Variants in CNTNAP5 observed in about 807,000 individuals in gnomAD.
The protein encoded by CNTNAP5 is contactin-associated protein-like 5.
A neutral mutation model predicts 150.2 loss-of-function variants in CNTNAP5; 72 were observed. The observed-to-expected ratio is 0.48, with a 90% confidence interval of 0.40 to 0.58. The LOEUF is 0.58. CNTNAP5 is among the 20% of genes least tolerant of loss of function. The pLI, the probability that CNTNAP5 is intolerant of heterozygous loss-of-function variation, is 0.00. For synonymous variants in CNTNAP5, 672 were observed against 619.8 expected (o/e 1.08, Z -1.25); for missense variants, 1,636 against 1,626.2 (o/e 1.01, Z -0.10).
At chr2:124,282,005 G>T (rs896652598) in intron 3 of CNTNAP5, among the ~76,000 whole-genome samples, 2 of 151,846 alleles carry the variant, frequency 1.3e-5, no homozygotes, top group African/African-American at 2.4e-5. Flanking sequence ...TTTCCTCTTT[G>T]CCTGGGATGA....
intron 18 of CNTNAP5, among the ~76,000 whole-genome samples, chr2:124,797,358 C>G (rs753741816): frequency 6.6e-6 from 1 of 152,108 alleles, no homozygotes; most frequent in Non-Finnish European, 1.5e-5. Context: ...TTTTAGATCC[C>G]GTATTTCTTC....
intron 11 of CNTNAP5, among the ~76,000 whole-genome samples, chr2:124,608,889 A>G (rs1277910948): frequency 2.0e-5 from 3 of 151,860 alleles, no homozygotes; most frequent in South Asian, 2.1e-4. Context: ...GTTTGTAGTG[A>G]GCCAAGATCA....
At chr2:124,172,754 T>C (rs973766374) in intron 1 of CNTNAP5, among the ~76,000 whole-genome samples, 3 of 127,342 alleles carry the variant, frequency 2.4e-5, no homozygotes, top group South Asian at 5.4e-4. Flanking sequence ...AAATGCTTGC[T>C]CTCTCTCTGG....
chr2:124,264,578 T>C (rs936255466), intron 3 of CNTNAP5, among the ~76,000 whole-genome samples: 6 of 152,120 alleles, frequency 3.9e-5, no homozygotes, highest in Admixed American at 2.6e-4. Flanking sequence ...GTCTGAGGGA[T>C]GTACTAACAC....
chr2:124,603,637 T>A (rs1697033810), intron 11 of CNTNAP5, among the ~76,000 whole-genome samples: 1 of 152,192 alleles, frequency 6.6e-6, no homozygotes, highest in African/African-American at 2.4e-5. Context: ...TCAAATACAT[T>A]TATACAAGAA....
chr2:124,814,112 C>CT lies in CNTNAP5; in HGVS notation c.3217+15802dup, dbSNP rs1025697895. ...GGCTCTTGTTATTCTCTGAAGTTTC[C>CT]TTTTTTTTTTATGATTCTTACACCC... On this transcript the variant is annotated intron_variant, in intron 19 of 23. Coordinates refer to ENST00000682447, the MANE Select transcript of CNTNAP5 (RefSeq NM_001367498.1). Among the ~76,000 whole-genome samples, 643 of 147,694 alleles carry CT rather than the reference C, an allele frequency of 4.4e-3. 6 individuals are homozygous for CT. The highest frequency in any genetic ancestry group is 8.6e-3 in the African/African-American group (349 of 40,370).
At chr2:124,769,981 T>C (rs2104607863) in intron 16 of CNTNAP5, among the ~76,000 whole-genome samples, 1 of 152,248 alleles carries the variant, frequency 6.6e-6, no homozygotes, top group South Asian at 2.1e-4. Context: ...TATTAACTAT[T>C]TTTATTGAAT....
At chr2:124,080,511 T>G (rs1682535738) in intron 1 of CNTNAP5, among the ~76,000 whole-genome samples, 1 of 152,210 alleles carries the variant, frequency 6.6e-6, no homozygotes, top group Admixed American at 6.5e-5. Flanking sequence ...TGTGGGTGTG[T>G]TCTGTTTATG....
At chr2:124,226,001 T>A (rs1222125087) in intron 2 of CNTNAP5, among the ~76,000 whole-genome samples, 1 of 152,176 alleles carries the variant, frequency 6.6e-6, no homozygotes, top group Non-Finnish European at 1.5e-5. Context: ...CACAATTTTT[T>A]ATCCCTTTAT....
At chr2:124,883,566 C>T (rs987822381) in intron 21 of CNTNAP5, among the ~76,000 whole-genome samples, 11 of 152,006 alleles carry the variant, frequency 7.2e-5, no homozygotes, top group Non-Finnish European at 5.9e-5. Context: ...TTCTTTATAA[C>T]TCTGGGTATA....
At chr2:124,248,018 T>A (rs565139084) in intron 3 of CNTNAP5, among the ~76,000 whole-genome samples, 2 of 152,292 alleles carry the variant, frequency 1.3e-5, no homozygotes, top group East Asian at 3.9e-4. Flanking sequence ...AAAGCTCAAT[T>A]AAGAACTTAG....
chr2:124,424,766 A>G lies in CNTNAP5; in HGVS notation c.529+7176A>G, dbSNP rs568379729. ...AGGCTTCAGAGATACAAAAATAAAT[A>G]AGACAATCCTTGCCCTTTAGGAACT... On this transcript the variant is annotated intron_variant, in intron 4 of 23. Coordinates refer to ENST00000682447, the MANE Select transcript of CNTNAP5 (RefSeq NM_001367498.1). 5.1e-4 allele frequency among the ~76,000 whole-genome samples: 77 copies of G among 152,300 alleles called. 1 individual carries two copies.
At chr2:124,116,101 GT>G (rs1683422609) in intron 1 of CNTNAP5, among the ~76,000 whole-genome samples, 1 of 152,170 alleles carries the variant, frequency 6.6e-6, no homozygotes, top group Admixed American at 6.5e-5. Context: ...TACAGGGCCA[GT>G]TTTTGTTTTC....
At chr2:124,062,502 G>A (rs1182644303) in intron 1 of CNTNAP5, among the ~76,000 whole-genome samples, 2 of 152,132 alleles carry the variant, frequency 1.3e-5, no homozygotes, top group Non-Finnish European at 2.9e-5. Context: ...GAACTGTTTT[G>A]CCTTCTATGT....
intron 1 of CNTNAP5, among the ~76,000 whole-genome samples, chr2:124,035,263 T>C (rs1330394751): frequency 6.6e-6 from 1 of 152,142 alleles, no homozygotes; most frequent in Admixed American, 6.5e-5. Context: ...ATGAAGTATC[T>C]CTTATTTTTT....
At chr2:124,293,363 G>T (rs1036888265) in intron 3 of CNTNAP5, among the ~76,000 whole-genome samples, 1 of 151,962 alleles carries the variant, frequency 6.6e-6, no homozygotes, top group Non-Finnish European at 1.5e-5. Flanking sequence ...AAACTGAATT[G>T]CATTGAATAG....
chr2:124,828,362 T>C (rs1330858954), intron 19 of CNTNAP5, among the ~76,000 whole-genome samples: 1 of 151,938 alleles, frequency 6.6e-6, no homozygotes, highest in African/African-American at 2.4e-5. Flanking sequence ...GCACCTGTAG[T>C]CCCAGTTACT....
rs143814611 is a variant in CNTNAP5 at position 124,491,376 on chromosome 2, C to T, written c.1063-12916C>T. Among the ~76,000 whole-genome samples, 243 of 151,876 alleles carry T rather than the reference C, an allele frequency of 1.6e-3. 2 individuals carry two copies. Among genetic ancestry groups the T allele is most frequent in the Admixed American group, 9.7e-3 (148 of 15,244 alleles). On this transcript the variant is annotated intron_variant, in intron 7 of 23. Transcript: ENST00000682447. Reference sequence around the variant, plus strand: ...TGTTGCCACAAATAGCATGGTTTTCCTCTTTCTTATATATGTATGTGTGTA... The same window carrying T: ...TGTTGCCACAAATAGCATGGTTTTCTTCTTTCTTATATATGTATGTGTGTA...
intron 1 of CNTNAP5, among the ~76,000 whole-genome samples, chr2:124,192,568 T>C (rs954269198): frequency 1.4e-4 from 21 of 152,256 alleles, no homozygotes; most frequent in Middle Eastern, 3.4e-3. Context: ...CATATCAGAA[T>C]CAGAGTGTCA....
Sources: gnomAD v4.1 joint callset for allele counts (sites outside exome capture counted in the v4.1 genomes callset) on GRCh38, gnomAD v4.1.1 for gene constraint, MANE v1.5 for transcripts, NCBI Gene and HGNC (gene_info 2026-07-23, HGNC 2026-07-21) for gene names.